Variants in GPHN observed in about 807,000 individuals in gnomAD.
The protein encoded by GPHN is gephyrin.
Under a neutral mutation model 95.5 loss-of-function variants are expected in GPHN, and 17 were observed. The observed-to-expected ratio is 0.18, with a 90% CI of 0.12 to 0.27. GPHN has a LOEUF of 0.27. GPHN is among the 10% of genes least tolerant of loss of function. The pLI is 1.00. For synonymous variants in GPHN, 320 were observed against 322.5 expected, an observed-to-expected ratio of 0.99 and a Z score of 0.08; for missense variants, 660 against 978.1, an observed-to-expected ratio of 0.67 and a Z score of 4.34.
At chr14:67,571,460 T>C in the GPHN span, 30 of 339,356 alleles carry the variant, frequency 8.8e-5, no homozygotes, top group African/African-American at 5.8e-4. Flanking sequence ...TGTAGCTTTC[T>C]GGCCCCCTAG....
At chr14:67,461,207 A>C in the GPHN span, among the ~76,000 whole-genome samples, 1,198 of 152,332 alleles carry the variant, frequency 7.9e-3, 13 homozygotes, top group African/African-American at 0.027. Flanking sequence ...TTGGGTGCTA[A>C]GCACTCTACA....
At chr14:67,408,609 A>G in the GPHN span, among the ~76,000 whole-genome samples, 2 of 152,148 alleles carry the variant, frequency 1.3e-5, no homozygotes, top group Non-Finnish European at 2.9e-5. Flanking sequence ...TGGTCACGTG[A>G]CAACAGAGAC....
At chr14:66,553,250 CAA>C (rs1343889584) in intron 1 of GPHN, among the ~76,000 whole-genome samples, 1 of 152,120 alleles carries the variant, frequency 6.6e-6, no homozygotes, top group African/African-American at 2.4e-5. Flanking sequence ...CTCGGCCTCT[CAA>C]AGTGCTAGGA....
intron 9 of GPHN, among the ~76,000 whole-genome samples, chr14:66,970,814 G>A (rs188328792): frequency 1.3e-5 from 2 of 152,316 alleles, no homozygotes; most frequent in African/African-American, 2.4e-5. Flanking sequence ...TTGGAAACCA[G>A]TGAATTAGTG....
chr14:67,238,475 G>A, the GPHN span, among the ~76,000 whole-genome samples: 3 of 151,926 alleles, frequency 2.0e-5, no homozygotes, highest in African/African-American at 7.3e-5. Context: ...TCCCCATGTT[G>A]ACCAGGCTGG....
the GPHN span, among the ~76,000 whole-genome samples, chr14:67,400,670 G>C: frequency 6.6e-6 from 1 of 151,952 alleles, no homozygotes; most frequent in African/African-American, 2.4e-5. Flanking sequence ...GAGGGAGGTG[G>C]GAGGTGGAGT....
the GPHN span, among the ~76,000 whole-genome samples, chr14:67,300,053 T>G: frequency 2.2e-4 from 33 of 152,290 alleles, no homozygotes; most frequent in South Asian, 6.8e-3. Context: ...CTTAAAGCCT[T>G]GTCCATTGTA....
At chr14:66,774,159 C>A (rs1014002090) in intron 2 of GPHN, among the ~76,000 whole-genome samples, 4 of 151,776 alleles carry the variant, frequency 2.6e-5, no homozygotes, top group Admixed American at 1.3e-4. Flanking sequence ...CCCACCACCA[C>A]ACCCGGCTAC....
chr14:66,668,076 A>T (rs571911079), intron 1 of GPHN, among the ~76,000 whole-genome samples: 2 of 152,346 alleles, frequency 1.3e-5, no homozygotes, highest in East Asian at 3.9e-4. Flanking sequence ...TCAAAACCAC[A>T]GTGAGATATC....
intron 1 of GPHN, among the ~76,000 whole-genome samples, chr14:66,664,726 C>T (rs895855926): frequency 1.3e-5 from 2 of 150,476 alleles, no homozygotes; most frequent in Non-Finnish European, 3.0e-5. Context: ...TAAAATAGGC[C>T]ACTAGATAGA....
Position 66,815,356 on chromosome 14 carries a change from C to T in GPHN, c.202-9118C>T, listed in dbSNP as rs74607556. Among the ~76,000 whole-genome samples, 1,114 of 152,192 alleles carry T rather than the reference C, an allele frequency of 7.3e-3. 6 individuals are homozygous for T. Among genetic ancestry groups the T allele is most frequent in the Non-Finnish European group, 0.011 (752 of 68,012 alleles). ...CTTCACATGAAGATCATCCCCAAAACGTAATCATCAGATTCTCCCAAGTAA... is the reference window on the plus strand; with the variant it reads ...CTTCACATGAAGATCATCCCCAAAATGTAATCATCAGATTCTCCCAAGTAA... On this transcript the variant is annotated intron_variant, in intron 3 of 22. Coordinates refer to ENST00000478722, the MANE Select transcript of GPHN (RefSeq NM_020806.5).
At chr14:66,950,697 T>A (rs2068051661) in intron 8 of GPHN, among the ~76,000 whole-genome samples, 1 of 152,134 alleles carries the variant, frequency 6.6e-6, no homozygotes, top group East Asian at 1.9e-4. Context: ...CTGAAATGTT[T>A]TAATTAGGCA....
chr14:66,824,987 T>C (rs2061340521), intron 4 of GPHN, among the ~76,000 whole-genome samples: 1 of 152,168 alleles, frequency 6.6e-6, no homozygotes, highest in Admixed American at 6.5e-5. Flanking sequence ...ATACTGATTT[T>C]ACAGTACTTT....
chr14:66,974,642 T>TA (rs922665925), intron 9 of GPHN, among the ~76,000 whole-genome samples: 19 of 151,982 alleles, frequency 1.3e-4, no homozygotes, highest in Admixed American at 2.0e-4. Context: ...CTTTTTTGTT[T>TA]AAAAAAAATG....
At chr14:66,701,619 C>T (rs1216964130) in intron 2 of GPHN, among the ~76,000 whole-genome samples, 2 of 152,184 alleles carry the variant, frequency 1.3e-5, no homozygotes, top group Non-Finnish European at 2.9e-5. Context: ...GCCTGCTAAC[C>T]AGCTGGGGAA....
intron 5 of GPHN, among the ~76,000 whole-genome samples, chr14:66,894,665 G>GA (rs1261227798): frequency 6.6e-6 from 1 of 151,902 alleles, no homozygotes; most frequent in Non-Finnish European, 1.5e-5. Flanking sequence ...AAATTTGCAA[G>GA]AAAAAAACAA....
chr14:67,592,085 G>A, the GPHN span: 1 of 173,826 alleles, frequency 5.8e-6, no homozygotes, highest in African/African-American at 2.4e-5. Context: ...CAGAGTCAAA[G>A]TAGATGAATG....
the GPHN span, chr14:67,317,413 CTG>C: frequency 3.1e-6 from 5 of 1,610,320 alleles, no homozygotes; most frequent in South Asian, 1.1e-5. Context: ...AACAGGAAAA[CTG>C]TGGTGTGCAA....
chr14:66,861,727 A>G (rs1049046221), intron 4 of GPHN, among the ~76,000 whole-genome samples: 3 of 152,144 alleles, frequency 2.0e-5, no homozygotes, highest in African/African-American at 4.8e-5. Context: ...GAAATTAAAC[A>G]AGATGCTCCT....
Sources: allele counts gnomAD v4.1 joint callset (sites outside exome capture counted in the v4.1 genomes callset), GRCh38; gene constraint gnomAD v4.1.1; transcripts MANE v1.5; gene names NCBI Gene and HGNC (gene_info 2026-07-23, HGNC 2026-07-21).